The following EML1 variants were observed in gnomAD, a reference collection of about 807,000 sequenced individuals.
EML1 encodes the protein echinoderm microtubule-associated protein-like 1.
EML1 carries 27 observed loss-of-function variants against 110.4 expected under a neutral mutation model. The observed-to-expected ratio is 0.24, with a 90% confidence interval of 0.18 to 0.34. The LOEUF is 0.34. EML1 is among the 10% of genes least tolerant of loss of function. The pLI is 1.00. For synonymous variants in EML1, 344 were observed against 385.8 expected (o/e 0.89, Z 1.27); for missense variants, 741 against 1,030.9 (o/e 0.72, Z 3.85).
At chr14:99,751,981 C>T (rs904233129) in intron 1 of EML1, among the ~76,000 whole-genome samples, 5 of 152,104 alleles carry the variant, frequency 3.3e-5, no homozygotes, top group African/African-American at 1.2e-4. Context: ...TCATTCTCAG[C>T]GAGTCTGAGC....
At chr14:99,759,718 C>A (rs914872823) in intron 1 of EML1, among the ~76,000 whole-genome samples, 1 of 152,202 alleles carries the variant, frequency 6.6e-6, no homozygotes, top group African/African-American at 2.4e-5. Context: ...GTTCCTGTCT[C>A]CAGCCTGTGC....
At chr14:99,744,614 T>C (rs983298805) in intron 1 of EML1, among the ~76,000 whole-genome samples, 1 of 152,234 alleles carries the variant, frequency 6.6e-6, no homozygotes, top group South Asian at 2.1e-4. Context: ...GTGTGAGCTG[T>C]GGTCAACAGG....
intron 1 of EML1, among the ~76,000 whole-genome samples, chr14:99,751,328 G>A (rs1214860037): frequency 6.6e-6 from 1 of 152,134 alleles, no homozygotes; most frequent in Non-Finnish European, 1.5e-5. Context: ...CAAGTGGGAG[G>A]TAACAAGGGG....
intron 1 of EML1, among the ~76,000 whole-genome samples, chr14:99,749,826 A>G (rs2057155222): frequency 6.6e-6 from 1 of 152,250 alleles, no homozygotes; most frequent in Non-Finnish European, 1.5e-5. Context: ...TGCAGATGGC[A>G]CACGTTCAAT....
intron 1 of EML1, among the ~76,000 whole-genome samples, chr14:99,761,128 C>G (rs961663280): frequency 6.6e-6 from 1 of 152,148 alleles, no homozygotes; most frequent in Non-Finnish European, 1.5e-5. Context: ...TTTATTCCCA[C>G]CTTACCGATG....
intron 3 of EML1, chr14:99,875,023 T>A: frequency 6.2e-7 from 1 of 1,600,836 alleles, no homozygotes; most frequent in Non-Finnish European, 8.6e-7. Flanking sequence ...TCACCATAGC[T>A]GTTCCTTCCA....
At chr14:99,862,117 G>A (rs1298326921) in intron 2 of EML1, among the ~76,000 whole-genome samples, 2 of 152,164 alleles carry the variant, frequency 1.3e-5, no homozygotes, top group Non-Finnish European at 2.9e-5. Flanking sequence ...TGACAGTTTT[G>A]AGGAATACCT....
chr14:99,907,784 C>G, intron 10 of EML1, 51 bp downstream of exon 10: 1 of 1,576,830 alleles, frequency 6.3e-7, no homozygotes, highest in Middle Eastern at 1.7e-4. Context: ...CCATTCAGAG[C>G]CGCCCTGGCA....
chr14:99,753,931 G>C (rs2057213248), intron 1 of EML1, among the ~76,000 whole-genome samples: 1 of 152,202 alleles, frequency 6.6e-6, no homozygotes, highest in Non-Finnish European at 1.5e-5. Flanking sequence ...CTCCATGGAG[G>C]CAGAGGCTCC....
chr14:99,907,774 C>T (rs1422406371), intron 10 of EML1, 41 bp downstream of exon 10: 8 of 1,597,068 alleles, frequency 5.0e-6, no homozygotes, highest in Non-Finnish European at 6.9e-6. Context: ...TAACATTTTC[C>T]CATTCAGAGC....
At position 99,900,916 on chromosome 14, in the gene EML1, C is replaced by G. The variant is rs770334261; in HGVS notation, c.898-13C>G. The G allele has an allele frequency of 1.2e-6, 2 of 1,611,782 alleles. No homozygotes were observed. Among genetic ancestry groups the G allele is most frequent in the Admixed American group, 3.3e-5 (2 of 60,016 alleles). Reference sequence around the variant, plus strand: ...CATCACAATTGATGGCTCTGTGTTTCTTTTCTGAACAGCAATTGCCCCCAC... The same window carrying G: ...CATCACAATTGATGGCTCTGTGTTTGTTTTCTGAACAGCAATTGCCCCCAC... On this transcript the variant is annotated splice_polypyrimidine_tract_variant and intron_variant, in intron 8 of 21. Coordinates refer to ENST00000262233, the MANE Select transcript of EML1 (RefSeq NM_004434.3).
Position 99,939,946 on chromosome 14 carries a change from C to T in EML1, c.2323-41C>T. ...CACTTTCCCATCCCAGATGGTTCGC[C>T]TTGTAGTAAAGGAAGCTTTCCCCCG... On this transcript the variant is annotated intron_variant, in intron 21 of 21. Coordinates refer to ENST00000262233, the MANE Select transcript of EML1 (RefSeq NM_004434.3). This position sits in a 1 kb window ranked among gnomAD's most constrained non-coding sequence, Gnocchi z 4.2. 5 of 1,496,338 alleles carry T rather than the reference C, an allele frequency of 3.3e-6. No individual in the cohort carries two copies. Among genetic ancestry groups the T allele is most frequent in the African/African-American group, 1.4e-5 (1 of 70,854 alleles). 92.7% of individuals were successfully genotyped at this position (1,496,338 alleles called of 1,614,324 possible).
chr14:99,883,945 C>T (rs1326658084), intron 4 of EML1, among the ~76,000 whole-genome samples: 1 of 152,244 alleles, frequency 6.6e-6, no homozygotes. Flanking sequence ...TTGCCCTGAT[C>T]ACTATAACAA....
At chr14:99,836,782 T>G (rs1425860876) in intron 1 of EML1, among the ~76,000 whole-genome samples, 4 of 152,114 alleles carry the variant, frequency 2.6e-5, no homozygotes. Context: ...AGCTTTGTAC[T>G]GGGGGTAGTT....
At chr14:99,774,501 C>T (rs1376534236) in intron 1 of EML1, among the ~76,000 whole-genome samples, 3 of 152,240 alleles carry the variant, frequency 2.0e-5, no homozygotes, top group Admixed American at 2.0e-4. Flanking sequence ...CACCCTCCTC[C>T]TCTGGGACTC....
intron 1 of EML1, among the ~76,000 whole-genome samples, chr14:99,740,591 C>T (rs1049019938): frequency 3.3e-5 from 5 of 152,150 alleles, no homozygotes; most frequent in East Asian, 3.8e-4. Context: ...TAAGGTTACC[C>T]GGGAGTCAGC....
chr14:99,849,574 G>A lies in EML1; in HGVS notation c.68-1279G>A, dbSNP rs563463772. 2.6e-5 allele frequency among the ~76,000 whole-genome samples: 4 copies of A among 151,900 alleles called. No individual in the cohort carries two copies. In the East Asian group the frequency reaches 7.8e-4, roughly 30 times the overall value. ...ATTTATTTGTTTATTTTGAGACAGA[G>A]TATTGCTCTGTTGCCCAGGCTGGAG... On this transcript the variant is annotated intron_variant, in intron 1 of 21. Coordinates refer to ENST00000262233, the MANE Select transcript of EML1 (RefSeq NM_004434.3).
chr14:99,901,114 G>A (rs2059756120), intron 9 of EML1, 75 bp downstream of exon 9: 3 of 1,287,206 alleles, frequency 2.3e-6, no homozygotes, highest in Admixed American at 3.4e-5. Context: ...TGAAGAGGGG[G>A]AGTTGACACA....
intron 1 of EML1, among the ~76,000 whole-genome samples, chr14:99,742,024 C>T (rs2057048904): frequency 6.6e-6 from 1 of 152,178 alleles, no homozygotes; most frequent in Non-Finnish European, 1.5e-5. Context: ...CAGGGCAGCC[C>T]TCCTTCGTGT....
Sources: allele counts gnomAD v4.1 joint callset (sites outside exome capture counted in the v4.1 genomes callset), GRCh38; gene constraint gnomAD v4.1.1; non-coding constraint Gnocchi (gnomAD v3.1); transcripts MANE v1.5; gene names NCBI Gene and HGNC (gene_info 2026-07-23, HGNC 2026-07-21).